GABRA3: variants seen among roughly 807,000 people sequenced by gnomAD.
GABRA3 encodes gamma-aminobutyric acid type A receptor subunit alpha3.
Under a neutral mutation model 30.1 loss-of-function variants are expected in GABRA3, and 10 were observed. That is an observed-to-expected ratio of 0.33 (90% CI 0.20 to 0.56). The LOEUF (loss-of-function observed/expected upper bound fraction) is 0.56. GABRA3 is among the 20% of genes least tolerant of loss of function. GABRA3 has a pLI of 0.89. For synonymous variants in GABRA3, 151 were observed against 146.8 expected (o/e 1.03, Z -0.21); for missense variants, 233 against 392.0 (o/e 0.59, Z 3.42).
Position 152,322,278 on chromosome X carries a change from C to T in GABRA3, c.262+23303G>A, listed in dbSNP as rs777035832. Among the ~76,000 whole-genome samples, 218 of 111,805 alleles carry T rather than the reference C, an allele frequency of 1.9e-3. 1 individual carries two copies. The highest frequency in any genetic ancestry group is 9.2e-3 in the Middle Eastern group (2 of 218). On this transcript the variant is annotated intron_variant, in intron 3 of 9. Transcript: ENST00000370314. The stretch of plus-strand genomic sequence containing the variant: ...TATGATTTCATCTATACGAAATATT[C>T]AGAATGGGTGAGGACATAGAGAATG...
At chrX:152,448,782 C>G (rs759868561) in intron 1 of GABRA3, among the ~76,000 whole-genome samples, 6 of 111,429 alleles carry the variant, frequency 5.4e-5, no homozygotes, top group African/African-American at 2.0e-4. Flanking sequence ...CCACTCAAAT[C>G]TTCCCACACG....
At chrX:152,396,175 T>C (rs1310407498) in intron 1 of GABRA3, among the ~76,000 whole-genome samples, 2 of 111,210 alleles carry the variant, frequency 1.8e-5, no homozygotes, top group Admixed American at 9.6e-5. Context: ...GAGAAAACCA[T>C]ATGACAATGA....
chrX:152,264,910 A>G (rs752955613), intron 4 of GABRA3, among the ~76,000 whole-genome samples: 61 of 112,002 alleles, frequency 5.4e-4, no homozygotes, highest in Non-Finnish European at 7.5e-4. Flanking sequence ...GAAGGTCACT[A>G]TATAATGATA....
chrX:152,336,378 A>G (rs1173697773), intron 3 of GABRA3, among the ~76,000 whole-genome samples: 2 of 111,524 alleles, frequency 1.8e-5, no homozygotes, highest in Admixed American at 9.5e-5. Context: ...TACAATTTAA[A>G]CCTGTTTCTT....
chrX:152,239,853 C>G (rs1938319756), intron 5 of GABRA3, among the ~76,000 whole-genome samples: 1 of 103,053 alleles, frequency 9.7e-6, no homozygotes, highest in Admixed American at 1.0e-4. Flanking sequence ...CTTGGTAGAT[C>G]TTCCTCCATC....
chrX:152,447,929 A>G (rs1235954662), intron 1 of GABRA3, among the ~76,000 whole-genome samples: 1 of 112,503 alleles, frequency 8.9e-6, no homozygotes, highest in Non-Finnish European at 1.9e-5. Flanking sequence ...ACCAAAGTAC[A>G]GAAGTCAAGA....
intron 3 of GABRA3, among the ~76,000 whole-genome samples, chrX:152,333,311 G>C (rs1940189510): frequency 1.8e-5 from 2 of 111,819 alleles, no homozygotes. Flanking sequence ...CAGTGCTTAT[G>C]AAACACGGAG....
At chrX:152,206,305 G>A (rs1182505478) in intron 7 of GABRA3, among the ~76,000 whole-genome samples, 5 of 112,304 alleles carry the variant, frequency 4.5e-5, no homozygotes, top group Non-Finnish European at 9.4e-5. Flanking sequence ...CCTTAAGTTG[G>A]GGTGGGGAAG....
intron 1 of GABRA3, among the ~76,000 whole-genome samples, chrX:152,445,994 A>C (rs1931077052): frequency 8.9e-6 from 1 of 112,238 alleles, no homozygotes; most frequent in Non-Finnish European, 1.9e-5. Flanking sequence ...AATTTCAGTT[A>C]AGCTACATGA....
chrX:152,274,346 T>G (rs1939002566), intron 4 of GABRA3, among the ~76,000 whole-genome samples: 1 of 110,473 alleles, frequency 9.1e-6, no homozygotes, highest in Admixed American at 9.7e-5. Context: ...CTTATCTACT[T>G]AACACTTAGT....
intron 1 of GABRA3, among the ~76,000 whole-genome samples, chrX:152,420,968 TTTC>T (rs1930357006): frequency 1.8e-5 from 2 of 109,774 alleles, no homozygotes; most frequent in Non-Finnish European, 1.9e-5. Context: ...TGATTGTAAG[TTTC>T]CTGAGGCCTC....
At chrX:152,378,132 G>A (rs1397847426) in intron 1 of GABRA3, among the ~76,000 whole-genome samples, 2 of 111,944 alleles carry the variant, frequency 1.8e-5, no homozygotes, top group Non-Finnish European at 3.8e-5. Context: ...ATCATCACTA[G>A]AAAATGACAT....
At chrX:152,318,656 C>A (rs772666435) in intron 3 of GABRA3, among the ~76,000 whole-genome samples, 3 of 112,100 alleles carry the variant, frequency 2.7e-5, no homozygotes, top group South Asian at 3.7e-4. Context: ...ACCAGGGATG[C>A]AGGGATGATT....
chrX:152,371,331 T>C (rs935434991), intron 1 of GABRA3, among the ~76,000 whole-genome samples: 1 of 111,480 alleles, frequency 9.0e-6, no homozygotes, highest in African/African-American at 3.3e-5. Context: ...CAAAAGACCA[T>C]GCGCTCTCCT....
At chrX:152,341,897 G>T (rs535703640) in intron 3 of GABRA3, among the ~76,000 whole-genome samples, 1 of 106,184 alleles carries the variant, frequency 9.4e-6, no homozygotes, top group African/African-American at 3.5e-5. Flanking sequence ...ATTTTAGATG[G>T]AGTCTCACTC....
rs190221414 is a variant in GABRA3, at chrX:152,291,479, T to G, written c.263-6744A>C. ...CAAACAGGGACAATTTGACTTCCTC[T>G]TTTCCTAATTGAATACCCTTTATTT... On this transcript the variant is annotated intron_variant, in intron 3 of 9. Transcript: ENST00000370314. 3.6e-5 allele frequency among the ~76,000 whole-genome samples: 4 copies of G among 111,793 alleles called. No homozygotes were observed. In the East Asian group the frequency reaches 1.1e-3, roughly 32 times the overall value.
At chrX:152,360,725 T>A (rs771669227) in intron 2 of GABRA3, among the ~76,000 whole-genome samples, 105 of 50,480 alleles carry the variant, frequency 2.1e-3, no homozygotes, top group East Asian at 4.1e-3. Flanking sequence ...AAAAAAAAAA[T>A]TAAAAAAAAA....
intron 1 of GABRA3, chrX:152,392,379 T>C (rs1929512697): frequency 2.9e-6 from 1 of 339,528 alleles, no homozygotes; most frequent in Non-Finnish European, 6.0e-6. Context: ...ACACACTGTA[T>C]GACAAAAAAT....
At chrX:152,441,867 G>C (rs1320563334) in intron 1 of GABRA3, among the ~76,000 whole-genome samples, 6 of 111,651 alleles carry the variant, frequency 5.4e-5, no homozygotes, top group African/African-American at 1.9e-4. Flanking sequence ...AAAATTTCTT[G>C]AACTCTTCAG....
Sources: gnomAD v4.1 joint callset for allele counts (sites outside exome capture counted in the v4.1 genomes callset) on GRCh38, gnomAD v4.1.1 for gene constraint, MANE v1.5 for transcripts, NCBI Gene and HGNC (gene_info 2026-07-23, HGNC 2026-07-21) for gene names.